GALNTL6: variants seen among roughly 807,000 people sequenced by gnomAD.
GALNTL6 encodes polypeptide N-acetylgalactosaminyltransferase-like 6.
Under a neutral mutation model 73.7 loss-of-function variants are expected in GALNTL6, and 46 were observed. The observed-to-expected ratio is 0.62, with a 90% CI of 0.49 to 0.80. GALNTL6 has a LOEUF of 0.80. GALNTL6 is among the 30% of genes least tolerant of loss of function. The pLI is 0.00. For missense variants in GALNTL6, 604 were observed against 755.0 expected (o/e 0.80, Z 2.34); for synonymous variants, 259 against 263.7 (o/e 0.98, Z 0.17).
chr4:172,746,373 T>C (rs1247132930), intron 5 of GALNTL6, among the ~76,000 whole-genome samples: 1 of 152,090 alleles, frequency 6.6e-6, no homozygotes, highest in Non-Finnish European at 1.5e-5. Context: ...TATAATGTGT[T>C]CAAACATATT....
chr4:172,871,116 CAG>C (rs529852138), intron 7 of GALNTL6, among the ~76,000 whole-genome samples: 68 of 152,276 alleles, frequency 4.5e-4, no homozygotes, highest in Admixed American at 3.9e-3. Context: ...TCTCTCTTCA[CAG>C]AGTTTCTGCT....
At chr4:172,751,065 C>A (rs1024898428) in intron 5 of GALNTL6, among the ~76,000 whole-genome samples, 2 of 152,130 alleles carry the variant, frequency 1.3e-5, no homozygotes, top group Admixed American at 6.6e-5. Flanking sequence ...AAGCATCCTA[C>A]ATAATAAAGG....
chr4:172,590,701 C>T (rs1737601155), intron 5 of GALNTL6, among the ~76,000 whole-genome samples: 1 of 152,028 alleles, frequency 6.6e-6, no homozygotes, highest in Non-Finnish European at 1.5e-5. Context: ...ACTTAAAATC[C>T]ATCTGTTTAC....
At position 172,069,432 on chromosome 4, in the gene GALNTL6, T is replaced by C. The variant is rs145024053; in HGVS notation, c.139-160224T>C. Among the ~76,000 whole-genome samples, 275 of 90,828 alleles carry C rather than the reference T, an allele frequency of 3.0e-3. 47 individuals are homozygous for C. The East Asian group carries it at 0.06, about 20-fold the overall frequency. The allele number at this position is 90,828 out of a possible 152,430, so 59.6% of individuals were successfully genotyped here. ...ACATATATGTTATATATAACACACATATAACATATATATGTAATATATAAC... is the reference window on the plus strand; with the variant it reads ...ACATATATGTTATATATAACACACACATAACATATATATGTAATATATAAC... On this transcript the variant is annotated intron_variant, in intron 2 of 12. Coordinates refer to ENST00000506823, the MANE Select transcript of GALNTL6 (RefSeq NM_001034845.3).
At chr4:171,898,562 A>G (rs1240885726) in intron 2 of GALNTL6, among the ~76,000 whole-genome samples, 1 of 152,146 alleles carries the variant, frequency 6.6e-6, no homozygotes, top group Non-Finnish European at 1.5e-5. Context: ...TGTATGAATC[A>G]CAAAAGTATC....
At chr4:172,739,240 C>T (rs1736659870) in intron 5 of GALNTL6, among the ~76,000 whole-genome samples, 1 of 152,070 alleles carries the variant, frequency 6.6e-6, no homozygotes, top group Non-Finnish European at 1.5e-5. Context: ...TTGTATATAC[C>T]AGTGAGATTG....
intron 2 of GALNTL6, among the ~76,000 whole-genome samples, chr4:172,059,503 A>C (rs920551487): frequency 6.6e-6 from 1 of 152,204 alleles, no homozygotes; most frequent in Non-Finnish European, 1.5e-5. Context: ...AAAGGGAAGA[A>C]AGAGTTTAAT....
intron 5 of GALNTL6, among the ~76,000 whole-genome samples, chr4:172,564,066 T>C (rs763157767): frequency 7.2e-5 from 11 of 152,212 alleles, no homozygotes; most frequent in Non-Finnish European, 1.2e-4. Flanking sequence ...TCTCATTTAG[T>C]TTTATTTTCT....
chr4:172,517,826 T>C (rs765818351), intron 5 of GALNTL6, among the ~76,000 whole-genome samples: 5 of 152,030 alleles, frequency 3.3e-5, no homozygotes, highest in Non-Finnish European at 7.4e-5. Flanking sequence ...AACAATACAA[T>C]CAATTTCCAG....
At chr4:172,154,395 GC>G (rs1165874144) in intron 2 of GALNTL6, among the ~76,000 whole-genome samples, 2 of 151,976 alleles carry the variant, frequency 1.3e-5, no homozygotes, top group South Asian at 4.1e-4. Context: ...ACCACGCCCG[GC>G]TAATTTTGTA....
At chr4:172,235,696 A>G (rs1503688) in intron 3 of GALNTL6, among the ~76,000 whole-genome samples, 66,558 of 151,826 alleles carry the variant, frequency 0.44, 16,989 homozygotes, top group East Asian at 0.78. Context: ...TTATGAGGGT[A>G]TATTGCATGA....
At chr4:171,971,731 A>T (rs1486472892) in intron 2 of GALNTL6, among the ~76,000 whole-genome samples, 2 of 152,160 alleles carry the variant, frequency 1.3e-5, no homozygotes, top group African/African-American at 2.4e-5. Context: ...TGAATATTAT[A>T]AAAAAATATA....
rs1331132944 is a variant in GALNTL6, at chr4:172,813,607, C to T, written c.807C>T (p.Phe269=). 5 of 1,613,138 alleles carry T rather than the reference C, an allele frequency of 3.1e-6. No homozygotes were observed. Among genetic ancestry groups the T allele is most frequent in the East Asian group, 2.2e-5 (1 of 44,852 alleles). The change falls in exon 7 of 13, where the codon TTC becomes TTT. Residue 269 remains phenylalanine, a synonymous_variant. Transcript: ENST00000506823. The part of the protein sequence containing the change: ...PMIDVIDHNH[F]GYEAQAGDAM... ...TCGATGTCATTGACCACAATCACTT[C>T]GGGTATGAGGCACAAGCTGGGGATG...
intron 5 of GALNTL6, among the ~76,000 whole-genome samples, chr4:172,789,240 C>T (rs35774785): frequency 0.066 from 10,004 of 152,202 alleles, 485 homozygotes; most frequent in Middle Eastern, 0.14. Context: ...CCCATGACCC[C>T]CTCTTGGGTT....
At chr4:172,904,170 C>T (rs1018304810) in intron 8 of GALNTL6, among the ~76,000 whole-genome samples, 46 of 152,288 alleles carry the variant, frequency 3.0e-4, no homozygotes, top group African/African-American at 1.0e-3. Context: ...GGAAGAAATG[C>T]ACTGCCTTTG....
At chr4:172,922,624 G>A (rs548691751) in intron 8 of GALNTL6, among the ~76,000 whole-genome samples, 1 of 152,320 alleles carries the variant, frequency 6.6e-6, no homozygotes, top group African/African-American at 2.4e-5. Flanking sequence ...GGGCCCTGAG[G>A]TTGTGTGAAG....
intron 2 of GALNTL6, among the ~76,000 whole-genome samples, chr4:171,955,998 TTG>T (rs71596605): frequency 1.7e-5 from 2 of 115,420 alleles, no homozygotes; most frequent in Non-Finnish European, 3.6e-5. Flanking sequence ...ACTTACTAAT[TTG>T]TGTGTGTGTG....
intron 5 of GALNTL6, among the ~76,000 whole-genome samples, chr4:172,743,445 C>T (rs1736913185): frequency 6.6e-6 from 1 of 151,998 alleles, no homozygotes; most frequent in South Asian, 2.1e-4. Context: ...GTTTAAGATG[C>T]TTTTAACTGT....
intron 5 of GALNTL6, among the ~76,000 whole-genome samples, chr4:172,550,103 A>G (rs1360714269): frequency 6.6e-6 from 1 of 152,184 alleles, no homozygotes; most frequent in African/African-American, 2.4e-5. Flanking sequence ...TATTTATCAC[A>G]AATATACATA....
Sources: gnomAD v4.1 joint callset for allele counts (sites outside exome capture counted in the v4.1 genomes callset) on GRCh38, gnomAD v4.1.1 for gene constraint, MANE v1.5 for transcripts, NCBI Gene and HGNC (gene_info 2026-07-23, HGNC 2026-07-21) for gene names.